RBFOX2: variants seen among roughly 807,000 people sequenced by gnomAD.
The protein encoded by RBFOX2 is RNA binding protein fox-1 homolog 2.
In RBFOX2, 10 loss-of-function variants were observed where a neutral mutation model predicts 49.1. The ratio of observed to expected loss-of-function variants is 0.20; its 90% confidence interval spans 0.13 to 0.35. RBFOX2 has a LOEUF of 0.35. Among genes scored for constraint, RBFOX2 ranks in the 10% least tolerant of loss-of-function variants. The pLI, the probability that RBFOX2 is intolerant of heterozygous loss-of-function variation, is 1.00. For synonymous variants in RBFOX2, 183 were observed against 187.4 expected (o/e 0.98, Z 0.19); for missense variants, 323 against 486.9 (o/e 0.66, Z 3.17).
intron 4 of RBFOX2, chr22:35,777,745 T>C (rs1944282110): frequency 2.7e-6 from 1 of 375,878 alleles, no homozygotes; most frequent in Non-Finnish European, 4.7e-6. Context: ...TTAAGGCTCA[T>C]AAAGCACTGT....
At chr22:35,877,893 G>C (rs182546105) in intron 1 of RBFOX2, among the ~76,000 whole-genome samples, 3 of 152,144 alleles carry the variant, frequency 2.0e-5, no homozygotes, top group Admixed American at 1.3e-4. Context: ...TCTAGAATTT[G>C]ACAAATATTT....
At chr22:35,753,837 C>T (rs180714719) in intron 9 of RBFOX2, among the ~76,000 whole-genome samples, 2 of 120,730 alleles carry the variant, frequency 1.7e-5, no homozygotes, top group East Asian at 5.5e-4. Flanking sequence ...GGCTGGAGTG[C>T]AGTGGTGCAA....
intron 1 of RBFOX2, among the ~76,000 whole-genome samples, chr22:35,846,680 G>A (rs1176178507): frequency 6.6e-6 from 1 of 151,960 alleles, no homozygotes; most frequent in Non-Finnish European, 1.5e-5. Flanking sequence ...GCTTGAACCC[G>A]GGAGGCAGAC....
At chr22:35,976,979 A>G (rs1185152940) in intron 1 of RBFOX2, among the ~76,000 whole-genome samples, 1 of 151,704 alleles carries the variant, frequency 6.6e-6, no homozygotes, top group Non-Finnish European at 1.5e-5. Context: ...AAAAAAAAAA[A>G]GAAAAAGAAA....
chr22:35,897,410 C>G (rs1210129592), intron 1 of RBFOX2: 2 of 941,134 alleles, frequency 2.1e-6, no homozygotes, highest in Non-Finnish European at 3.5e-6. Flanking sequence ...GCAGGTGAGA[C>G]AAGGTCATGT....
At chr22:35,750,505 C>T in intron 9 of RBFOX2, 2 of 1,433,402 alleles carry the variant, frequency 1.4e-6, no homozygotes, top group Non-Finnish European at 2.0e-6. Flanking sequence ...AGCATGGCCA[C>T]AGCACACCCT....
chr22:35,943,176 G>A (rs2053888336), upstream of RBFOX2, among the ~76,000 whole-genome samples: 1 of 152,218 alleles, frequency 6.6e-6, no homozygotes, highest in Admixed American at 6.5e-5. Context: ...CAACTATTTT[G>A]TGCCAGTCGA....
intron 1 of RBFOX2, among the ~76,000 whole-genome samples, chr22:35,981,566 T>C (rs2057456723): frequency 6.7e-6 from 1 of 150,346 alleles, no homozygotes; most frequent in Admixed American, 6.7e-5. Context: ...CCCTTGAACC[T>C]AGGAGTCTGA....
intron 1 of RBFOX2, among the ~76,000 whole-genome samples, chr22:35,835,310 G>C (rs2051579): frequency 6.6e-6 from 1 of 151,916 alleles, no homozygotes; most frequent in African/African-American, 2.4e-5. Flanking sequence ...GGTAAGGGGG[G>C]GCTGTATCAC....
intron 1 of RBFOX2, among the ~76,000 whole-genome samples, chr22:35,982,811 C>T (rs62232605): frequency 6.6e-6 from 1 of 151,226 alleles, no homozygotes; most frequent in African/African-American, 2.4e-5. Context: ...AAAAAAAAAC[C>T]ACTAATCCTA....
chr22:35,968,978 T>G (rs975777480), intron 1 of RBFOX2, among the ~76,000 whole-genome samples: 1 of 152,058 alleles, frequency 6.6e-6, no homozygotes, highest in Non-Finnish European at 1.5e-5. Flanking sequence ...CTCAAGCAAA[T>G]CAACAAGATT....
intron 1 of RBFOX2, among the ~76,000 whole-genome samples, chr22:35,954,037 G>A (rs1359967619): frequency 4.6e-5 from 7 of 151,894 alleles, no homozygotes; most frequent in African/African-American, 1.7e-4. Flanking sequence ...TATATTCATG[G>A]TTTCCTCATA....
intron 1 of RBFOX2, among the ~76,000 whole-genome samples, chr22:36,005,994 ATT>A (rs1232241650): frequency 6.6e-6 from 1 of 152,164 alleles, no homozygotes; most frequent in African/African-American, 2.4e-5. Context: ...TTCCAGAATA[ATT>A]TGTCTTTGAG....
intron 1 of RBFOX2, among the ~76,000 whole-genome samples, chr22:35,866,024 A>G (rs1208812104): frequency 6.6e-6 from 1 of 152,240 alleles, no homozygotes; most frequent in Non-Finnish European, 1.5e-5. Context: ...AGACACAGAG[A>G]TCCAGCTGGA....
chr22:35,897,516 G>T, intron 1 of RBFOX2: 1 of 819,858 alleles, frequency 1.2e-6, no homozygotes, highest in South Asian at 1.3e-5. Context: ...GGCAAAAGGT[G>T]GCAAGGGGTA....
chr22:36,018,881 T>C (rs999303182), intron 1 of RBFOX2, among the ~76,000 whole-genome samples: 2 of 152,198 alleles, frequency 1.3e-5, no homozygotes, highest in African/African-American at 4.8e-5. Context: ...CCCAAAGTGC[T>C]GGGATTACAG....
intron 1 of RBFOX2, among the ~76,000 whole-genome samples, chr22:35,986,938 G>A (rs2057750773): frequency 6.6e-6 from 1 of 150,822 alleles, no homozygotes; most frequent in Non-Finnish European, 1.5e-5. Context: ...CTGGAAAATA[G>A]AGTTTTGTAT....
intron 2 of RBFOX2, among the ~76,000 whole-genome samples, chr22:35,794,318 A>G (rs1168207339): frequency 6.6e-6 from 1 of 152,184 alleles, no homozygotes; most frequent in Admixed American, 6.5e-5. Context: ...AACTTGCTCA[A>G]ATCACTTAAC....
chr22:35,772,776 C>T (rs563474707), intron 4 of RBFOX2, among the ~76,000 whole-genome samples: 6 of 152,210 alleles, frequency 3.9e-5, no homozygotes, highest in African/African-American at 9.6e-5. Flanking sequence ...TTTACATCAT[C>T]GAGGACATAT....
Sources: allele counts gnomAD v4.1 joint callset (sites outside exome capture counted in the v4.1 genomes callset), GRCh38; gene constraint gnomAD v4.1.1; transcripts MANE v1.5; gene names NCBI Gene and HGNC (gene_info 2026-07-23, HGNC 2026-07-21).